ST7: variants seen among roughly 807,000 people sequenced by gnomAD.
ST7 encodes suppressor of tumorigenicity 7 protein.
Under a neutral mutation model 78.7 loss-of-function variants are expected in ST7, and 28 were observed. That is an observed-to-expected ratio of 0.36 (90% confidence interval 0.26 to 0.49). ST7 has a LOEUF of 0.49. ST7 is among the 20% of genes least tolerant of loss of function. ST7 has a pLI of 0.99. For missense variants in ST7, 418 were observed against 696.0 expected (o/e 0.60, Z 4.49); for synonymous variants, 247 against 249.6 (o/e 0.99, Z 0.10).
intron 9 of ST7, among the ~76,000 whole-genome samples, chr7:117,169,921 G>A (rs117091155): frequency 0.027 from 3,974 of 149,604 alleles, 68 homozygotes; most frequent in South Asian, 0.052. Context: ...GAAGATGATC[G>A]TGGCCCCTGT....
At chr7:117,118,180 C>G (rs2116931693) in intron 2 of ST7, among the ~76,000 whole-genome samples, 1 of 152,316 alleles carries the variant, frequency 6.6e-6, no homozygotes, top group Admixed American at 6.5e-5. Context: ...ACCTGACACT[C>G]AAAGGAAGTG....
intron 9 of ST7, among the ~76,000 whole-genome samples, chr7:117,167,053 C>CTTT (rs763690509): frequency 1.3e-4 from 19 of 143,530 alleles, no homozygotes; most frequent in East Asian, 1.0e-3. Flanking sequence ...GGTAATGATT[C>CTTT]TTTTTTTTTT....
intron 1 of ST7, among the ~76,000 whole-genome samples, chr7:116,986,293 G>T (rs997436391): frequency 6.6e-6 from 1 of 152,130 alleles, no homozygotes; most frequent in Admixed American, 6.5e-5. Flanking sequence ...AGAGTTGAGG[G>T]GTACTGAAGC....
intron 12 of ST7, among the ~76,000 whole-genome samples, chr7:117,205,812 C>G (rs772983414): frequency 6.6e-6 from 1 of 152,172 alleles, no homozygotes; most frequent in African/African-American, 2.4e-5. Context: ...ATTTCAAGAT[C>G]AGTGTGATTT....
At chr7:117,182,513 T>C (rs1001730852) in intron 10 of ST7, among the ~76,000 whole-genome samples, 1 of 152,206 alleles carries the variant, frequency 6.6e-6, no homozygotes, top group Non-Finnish European at 1.5e-5. Flanking sequence ...ATCCTGCCTG[T>C]ATGTTTTTAT....
At chr7:117,200,713 T>C (rs1810746439) in intron 12 of ST7, among the ~76,000 whole-genome samples, 3 of 151,994 alleles carry the variant, frequency 2.0e-5, no homozygotes, top group African/African-American at 7.3e-5. Context: ...CAGTACGTAT[T>C]TAGCTTTCAA....
chr7:117,056,482 A>G (rs1168613536), intron 1 of ST7, among the ~76,000 whole-genome samples: 1 of 152,046 alleles, frequency 6.6e-6, no homozygotes, highest in Non-Finnish European at 1.5e-5. Flanking sequence ...AAAAAAATAC[A>G]AAATTAGCTG....
At chr7:117,192,110 TG>T (rs1809837278) in intron 12 of ST7, among the ~76,000 whole-genome samples, 1 of 152,218 alleles carries the variant, frequency 6.6e-6, no homozygotes, top group South Asian at 2.1e-4. Flanking sequence ...ATTTATGTAT[TG>T]TCCATATGGT....
chr7:117,116,662 G>A (rs1275337613), intron 2 of ST7, among the ~76,000 whole-genome samples: 1 of 152,114 alleles, frequency 6.6e-6, no homozygotes, highest in African/African-American at 2.4e-5. Flanking sequence ...CACAGCAGAG[G>A]TCCATCTTTA....
At chr7:117,054,020 T>G (rs1036293457) in intron 1 of ST7, among the ~76,000 whole-genome samples, 65 of 152,178 alleles carry the variant, frequency 4.3e-4, no homozygotes, top group African/African-American at 1.5e-3. Flanking sequence ...GTATTTTTAG[T>G]AGAGATGGGG....
At chr7:117,126,176 G>GT (rs1722921382) in intron 3 of ST7, among the ~76,000 whole-genome samples, 1 of 151,858 alleles carries the variant, frequency 6.6e-6, no homozygotes, top group African/African-American at 2.4e-5. Context: ...GGAAGATGTG[G>GT]TAACTTTTTA....
chr7:117,207,684 G>A (rs1791905747), intron 12 of ST7, among the ~76,000 whole-genome samples: 1 of 152,186 alleles, frequency 6.6e-6, no homozygotes, highest in Non-Finnish European at 1.5e-5. Flanking sequence ...ACATGAGTTA[G>A]TTGTTTTCAT....
chr7:117,129,584 C>T (rs1317849944), intron 3 of ST7, among the ~76,000 whole-genome samples: 2 of 151,826 alleles, frequency 1.3e-5, no homozygotes, highest in Admixed American at 6.6e-5. Flanking sequence ...AACTCAGGCC[C>T]AGAGAGATTA....
intron 1 of ST7, among the ~76,000 whole-genome samples, chr7:116,985,015 A>G (rs192614455): frequency 4.4e-4 from 67 of 152,314 alleles, no homozygotes; most frequent in African/African-American, 1.5e-3. Flanking sequence ...TTCTACCACT[A>G]GATGGTGCTT....
At chr7:117,141,569 T>C (rs1805297601) in intron 9 of ST7, among the ~76,000 whole-genome samples, 2 of 152,352 alleles carry the variant, frequency 1.3e-5, no homozygotes, top group Admixed American at 1.3e-4. Flanking sequence ...CCTTTTGCAA[T>C]CACGAATATG....
intron 1 of ST7, among the ~76,000 whole-genome samples, chr7:116,985,366 T>G (rs1794147079): frequency 6.6e-6 from 1 of 152,180 alleles, no homozygotes. Context: ...TCAAGATAAT[T>G]AAGCAACCTG....
At chr7:117,129,372 A>G (rs918681481) in intron 3 of ST7, among the ~76,000 whole-genome samples, 1 of 151,900 alleles carries the variant, frequency 6.6e-6, no homozygotes, top group Non-Finnish European at 1.5e-5. Flanking sequence ...TTTGCATATT[A>G]TACTCTATAG....
At chr7:117,059,197 G>A (rs1037678855) in intron 1 of ST7, among the ~76,000 whole-genome samples, 6 of 152,068 alleles carry the variant, frequency 3.9e-5, no homozygotes, top group Non-Finnish European at 8.8e-5. Context: ...AGTGTAATTG[G>A]ATTGTTTGTA....
intron 9 of ST7, among the ~76,000 whole-genome samples, chr7:117,157,364 G>A (rs2117191549): frequency 6.6e-6 from 1 of 152,322 alleles, no homozygotes; most frequent in East Asian, 1.9e-4. Flanking sequence ...GTTGGGGAAT[G>A]TGTGTTTCAT....
Sources: gnomAD v4.1 joint callset for allele counts (sites outside exome capture counted in the v4.1 genomes callset) on GRCh38, gnomAD v4.1.1 for gene constraint, MANE v1.5 for transcripts, NCBI Gene and HGNC (gene_info 2026-07-23, HGNC 2026-07-21) for gene names.